The following UCP1 variants were observed in gnomAD, a reference collection of about 807,000 sequenced individuals.
The protein encoded by UCP1 is uncoupling protein 1.
Under a neutral mutation model 26.2 loss-of-function variants are expected in UCP1, and 24 were observed. The observed-to-expected ratio is 0.92, with a 90% CI of 0.66 to 1.29. The LOEUF (loss-of-function observed/expected upper bound fraction) is 1.29. Among genes scored for constraint, UCP1 ranks in the 50% most tolerant of loss-of-function variants. The probability of loss-of-function intolerance (pLI) is 0.00; values close to 1 mark genes in which losing one functional copy is unlikely to be tolerated. For missense variants in UCP1, 402 were observed against 388.7 expected, an observed-to-expected ratio of 1.03 and a Z score of -0.29; for synonymous variants, 164 against 156.8, an observed-to-expected ratio of 1.05 and a Z score of -0.34.
At chr4:140,562,830 T>A (rs1735708097) in intron 4 of UCP1, among the ~76,000 whole-genome samples, 1 of 152,140 alleles carries the variant, frequency 6.6e-6, no homozygotes, top group African/African-American at 2.4e-5. Flanking sequence ...AGAATAAGAT[T>A]CTAACAAAAG....
In UCP1 at chr4:140,567,854, G is replaced by T. The variant is rs1364143030; in HGVS notation, c.250C>A (p.Arg84=). The change falls in exon 2 of 6, where the codon CGG becomes AGG. Residue 84 remains arginine (R), a synonymous_variant. Coordinates refer to ENST00000262999, the MANE Select transcript of UCP1 (RefSeq NM_021833.5). ...CTGAGAGAGGCGGAGCTGATTTGCC[G>T]CTGAAGCCCCGCAGGCAGCCCGCTG... The part of the protein sequence containing the change: ...LYSGLPAGLQ[R]QISSASLRIG... 4 of 1,614,002 alleles carry T rather than the reference G, an allele frequency of 2.5e-6. No homozygotes were observed. Among genetic ancestry groups the T allele is most frequent in the Non-Finnish European group, 1.7e-6 (2 of 1,180,034 alleles).
In UCP1 at chr4:140,559,908, G is replaced by A; in HGVS notation, c.912C>T (p.Asp304=). The A allele has an allele frequency of 6.2e-7, 1 of 1,613,384 alleles. No individual in the cohort carries two copies. Residue 304 remains aspartate, a synonymous_variant, in exon 6 of 6, where the codon GAC becomes GAT. Coordinates refer to ENST00000262999, the MANE Select transcript of UCP1 (RefSeq NM_021833.5). ...TTCTTGAAGCTGATTATGTGGCACA[G>A]TCCATAGTCTGCCTTGACTTTGACA... ...RELSKSRQTM[D]CAT is the part of the protein sequence containing the mutation.
intron 2 of UCP1, among the ~76,000 whole-genome samples, chr4:140,564,672 G>A (rs1735758326): frequency 6.6e-6 from 1 of 152,100 alleles, no homozygotes; most frequent in Admixed American, 6.6e-5. Context: ...CAGGAGCTGG[G>A]CATATGACTG....
At chr4:140,563,576 A>T in intron 2 of UCP1, 58 bp from the exon 3 acceptor site, 1 of 1,463,398 alleles carries the variant, frequency 6.8e-7, no homozygotes, top group Non-Finnish European at 9.3e-7. Flanking sequence ...GAATGCATGC[A>T]TGTCTTTTTA....
At position 140,567,880 on chromosome 4, in the gene UCP1, T is replaced by C; in HGVS notation, c.224A>G (p.Tyr75Cys). The change falls in exon 2 of 6, where the codon TAC (tyrosine) becomes TGC (cysteine). Residue 75 changes from tyrosine to cysteine, a missense_variant. By Grantham distance (194) the Tyr-to-Cys change is radical (BLOSUM62 -2). Coordinates refer to ENST00000262999, the MANE Select transcript of UCP1 (RefSeq NM_021833.5). ...CTGAAGCCCCGCAGGCAGCCCGCTG[T>C]AGAGTTTCATCCGCCCTTCTGTTTT... ...VVKTEGRMKLYSGLPAGLQRQ... is the reference protein window; with the variant it reads ...VVKTEGRMKLCSGLPAGLQRQ... The C allele has an allele frequency of 6.2e-7, 1 of 1,614,180 alleles. No individual in the cohort carries two copies. Among genetic ancestry groups the C allele is most frequent in the Non-Finnish European group, 8.5e-7 (1 of 1,180,026 alleles).
chr4:140,567,973 T>C lies in UCP1; in HGVS notation c.131A>G (p.Gln44Arg), dbSNP rs150886806. Residue 44 changes from glutamine (Q) to arginine (R), a missense_variant, in exon 2 of 6, where the codon CAA (glutamine) becomes CGA (arginine). Physicochemically the swap from Gln to Arg is conservative, Grantham distance 43 (BLOSUM62 1). Transcript: ENST00000262999. Reference protein sequence around the residue: ...LDTAKVRLQVQGECPTSSVIR... With the variant: ...LDTAKVRLQVRGECPTSSVIR... Reference sequence around the variant, plus strand: ...AACACTGGACGTCGGGCATTCACCTTGGACCTGGAAATAAGAAAGGTGCAG... The same window carrying C: ...AACACTGGACGTCGGGCATTCACCTCGGACCTGGAAATAAGAAAGGTGCAG... 2.7e-4 allele frequency: 438 copies of C among 1,614,204 alleles called. No homozygotes were observed. The highest frequency in any genetic ancestry group is 9.0e-4 in the South Asian group (82 of 91,084).
At chr4:140,564,856 T>C (rs908943678) in intron 2 of UCP1, among the ~76,000 whole-genome samples, 2 of 152,120 alleles carry the variant, frequency 1.3e-5, no homozygotes, top group Admixed American at 6.6e-5. Flanking sequence ...AAAGAGGCTT[T>C]TTTTTTAAGA....
In UCP1 at chr4:140,568,802, C is replaced by G; in HGVS notation, c.-73G>C. 1 of 1,533,766 alleles carries G rather than the reference C, an allele frequency of 6.5e-7. No homozygotes were observed. Among genetic ancestry groups the G allele is most frequent in the Non-Finnish European group, 8.7e-7 (1 of 1,143,882 alleles). ...AGGTGGAGGAAGTTCCTTTCCCTTG[C>G]TCTTCACGCCTGTCCGCCGGGCAGC... On this transcript the variant is annotated 5_prime_UTR_variant, in exon 1 of 6. Coordinates refer to ENST00000262999, the MANE Select transcript of UCP1 (RefSeq NM_021833.5).
intron 2 of UCP1, among the ~76,000 whole-genome samples, chr4:140,563,719 T>A (rs1735739654): frequency 6.6e-6 from 1 of 151,984 alleles, no homozygotes; most frequent in Admixed American, 6.5e-5. Flanking sequence ...GAGATTCTCC[T>A]GCCTCAGCCT....
rs770663075 is a variant in UCP1, at chr4:140,562,201, G to C, written c.801C>G (p.Phe267Leu). The C allele has an allele frequency of 1.5e-5, 25 of 1,614,166 alleles. No homozygotes were observed. The highest frequency in any genetic ancestry group is 2.0e-5 in the Non-Finnish European group (24 of 1,180,010). ...ACAAGATCATATCTTACCCCTTGAA[G>C]AAAGCCGTTGGTCCTTCGTTAGTGA... ...KVFTNEGPTA[F>L]FKGLVPSFLR... The change falls in exon 5 of 6, where the codon TTC becomes TTG. Residue 267 changes from phenylalanine (F) to leucine (L), a missense_variant. Physicochemically the swap from Phe to Leu is conservative, Grantham distance 22. Coordinates refer to ENST00000262999, the MANE Select transcript of UCP1 (RefSeq NM_021833.5).
intron 4 of UCP1, 75 bp downstream of exon 4, chr4:140,563,033 GTA>G (rs1735712646): frequency 9.1e-7 from 1 of 1,100,442 alleles, no homozygotes; most frequent in Non-Finnish European, 1.4e-6. Context: ...AAGAGATTGA[GTA>G]TAAGGTGGCT....
Position 140,559,822 on chromosome 4 carries a change from A to G in UCP1, c.*74T>C, listed in dbSNP as rs1660911632. On this transcript the variant is annotated 3_prime_UTR_variant, in exon 6 of 6. Transcript: ENST00000262999. ...TATCTTTTTAGGTTAAAATAAGTGA[A>G]TAAGTTTTGTTTGTTTTTATGATCC... 1.5e-6 allele frequency: 2 copies of G among 1,338,934 alleles called. No homozygotes were observed. Among genetic ancestry groups the G allele is most frequent in the African/African-American group, 2.9e-5 (2 of 69,466 alleles). 82.9% of individuals were successfully genotyped at this position (1,338,934 alleles called of 1,614,324 possible).
chr4:140,568,564 C>CT (rs1735856079), intron 1 of UCP1, 40 bp downstream of exon 1: 1 of 1,613,072 alleles, frequency 6.2e-7, no homozygotes, highest in Admixed American at 1.7e-5. Flanking sequence ...AGCGTCCCCT[C>CT]TGTCCTGAGA....
chr4:140,568,927 C>T lies in UCP1; in HGVS notation c.-198G>A. On this transcript the variant is annotated 5_prime_UTR_variant, in exon 1 of 6. Transcript: ENST00000262999. Reference sequence around the variant, plus strand: ...GTGTTGGGGGCCGAGTCCCCGCGTCCCCTCCTACCCACCCTCGCGCCAGCA... The same window carrying T: ...GTGTTGGGGGCCGAGTCCCCGCGTCTCCTCCTACCCACCCTCGCGCCAGCA... The T allele has an allele frequency of 1.4e-6, 1 of 718,174 alleles. No homozygotes were observed. Among genetic ancestry groups the T allele is most frequent in the Non-Finnish European group, 2.3e-6 (1 of 442,944 alleles). 44.5% of individuals were successfully genotyped at this position (718,174 alleles called of 1,614,324 possible).
chr4:140,566,342 A>G (rs764254896), intron 2 of UCP1, among the ~76,000 whole-genome samples: 9 of 152,206 alleles, frequency 5.9e-5, no homozygotes, highest in Non-Finnish European at 8.8e-5. Context: ...GCAGTTCAAT[A>G]AAGCCTACTA....
rs1735873858 is a variant in UCP1, at chr4:140,568,917, T to TC, written c.-189dup. ...ACGGAGCGCGGTGTTGGGGGCCGAG[T>TC]CCCCGCGTCCCCTCCTACCCACCCT... On this transcript the variant is annotated 5_prime_UTR_variant, in exon 1 of 6. Transcript: ENST00000262999. 1.3e-6 allele frequency: 1 copy of TC among 761,416 alleles called. No homozygotes were observed. The highest frequency in any genetic ancestry group is 1.8e-5 in the South Asian group (1 of 55,058). The allele number at this position is 761,416 out of a possible 1,614,324, so 47.2% of individuals were successfully genotyped here. A position where few individuals can be genotyped will look rare whatever the true frequency, so the allele number is the denominator to read the frequency against.
In UCP1 at chr4:140,568,483, T is replaced by C. The variant is rs1013015461; in HGVS notation, c.126+121A>G. 18 of 1,522,006 alleles carry C rather than the reference T, an allele frequency of 1.2e-5. No homozygotes were observed. In the African/African-American group the frequency reaches 2.3e-4, roughly 20 times the overall value. The allele number at this position is 1,522,006 out of a possible 1,614,324, so 94.3% of individuals were successfully genotyped here. On this transcript the variant is annotated intron_variant, in intron 1 of 5. Transcript: ENST00000262999. ...AGCCCTGGGACAAGGCCAGACTGCT[T>C]TGGAAGGTCACCTACCCTACCTAGA...
chr4:140,562,313 G>A lies in UCP1; in HGVS notation c.689C>T (p.Ser230Phe). 6.2e-7 allele frequency: 1 copy of A among 1,614,096 alleles called. No individual in the cohort carries two copies. The highest frequency in any genetic ancestry group is 8.5e-7 in the Non-Finnish European group (1 of 1,180,018). ...GGTTTTTACTACATCCACCGGGGAG[G>A]ACATAGCTGTTGCGCAAAATCCAGC... ...LIAGFCATAMSSPVDVVKTRF... is the reference protein window; with the variant it reads ...LIAGFCATAMFSPVDVVKTRF... The change falls in exon 5 of 6, where the codon TCC becomes TTC. Residue 230 changes from serine (S) to phenylalanine (F), a missense_variant. Ser to Phe is a radical substitution (Grantham distance 155). Transcript: ENST00000262999.
Position 140,559,837 on chromosome 4 carries a change from T to G in UCP1, c.*59A>C, listed in dbSNP as rs1735638363. 2 of 1,433,862 alleles carry G rather than the reference T, an allele frequency of 1.4e-6. No individual in the cohort carries two copies. Among genetic ancestry groups the G allele is most frequent in the Admixed American group, 1.7e-5 (1 of 59,076 alleles). The allele number at this position is 1,433,862 out of a possible 1,614,324, so 88.8% of individuals were successfully genotyped here. ...AAATAAGTGAATAAGTTTTGTTTGT[T>G]TTTATGATCCAGTCAGCAAGATTCC... On this transcript the variant is annotated 3_prime_UTR_variant, in exon 6 of 6. Transcript: ENST00000262999.
Sources: allele counts gnomAD v4.1 joint callset (sites outside exome capture counted in the v4.1 genomes callset), GRCh38; gene constraint gnomAD v4.1.1; transcripts MANE v1.5; gene names NCBI Gene and HGNC (gene_info 2026-07-23, HGNC 2026-07-21).